GABRB3: variants seen among roughly 807,000 people sequenced by gnomAD.
GABRB3 encodes gamma-aminobutyric acid type A receptor subunit beta3.
In GABRB3, 14 loss-of-function variants were observed where a neutral mutation model predicts 52.1. That is an observed-to-expected ratio of 0.27 (90% confidence interval 0.18 to 0.42). The LOEUF (loss-of-function observed/expected upper bound fraction) is 0.42, where lower values mean the gene tolerates loss of function less well. GABRB3 is among the 10% of genes least tolerant of loss of function. GABRB3 has a pLI of 1.00. For missense variants in GABRB3, 307 were observed against 609.1 expected (o/e 0.50, Z 5.22); for synonymous variants, 260 against 232.3 (o/e 1.12, Z -1.08).
chr15:26,545,194 T>TTGTG lies in GABRB3; in HGVS notation c.*2595_*2598dup, dbSNP rs10569776. 2,042 of 149,834 alleles carry TTGTG rather than the reference T, an allele frequency of 0.014. 37 individuals carry two copies. The highest frequency in any genetic ancestry group is 0.042 in the African/African-American group (1,733 of 40,850). The allele number at this position is 149,834 out of a possible 1,614,324, so 9.3% of individuals were successfully genotyped here. A position where few individuals can be genotyped will look rare whatever the true frequency, so the allele number is the denominator to read the frequency against. On this transcript the variant is annotated 3_prime_UTR_variant, in exon 9 of 9. Transcript: ENST00000311550. Reference sequence around the variant, plus strand: ...GTTTTTACAGAATATATGTATGTATTTGTGTGTGTGTGTGTGTGTGTGTGT... The same window carrying TTGTG: ...GTTTTTACAGAATATATGTATGTATTTGTGTGTGTGTGTGTGTGTGTGTGTGTGT...
Position 26,547,854 on chromosome 15 carries a change from A to T in GABRB3, c.1361T>A (p.Ile454Asn), listed in dbSNP as rs1362237548. The T allele has an allele frequency of 6.2e-7, 1 of 1,614,144 alleles. No individual in the cohort carries two copies. Among genetic ancestry groups the T allele is most frequent in the African/African-American group, 1.3e-5 (1 of 75,034 alleles). ...AAGAGAAAAAGTGAATGGAAACACG[A>T]TCCTGGACCATCTGTCTATGGCATT... ...DVNAIDRWSRIVFPFTFSLFN... is the reference protein window; with the variant it reads ...DVNAIDRWSRNVFPFTFSLFN... The change falls in exon 9 of 9, where the codon ATC becomes AAC. Residue 454 changes from isoleucine to asparagine, a missense_variant. Coordinates refer to ENST00000311550, the MANE Select transcript of GABRB3 (RefSeq NM_000814.6).
intron 3 of GABRB3, among the ~76,000 whole-genome samples, chr15:26,663,227 C>G (rs1347091534): frequency 6.6e-6 from 1 of 152,196 alleles, no homozygotes; most frequent in African/African-American, 2.4e-5. Context: ...TAATCCCAAC[C>G]CTGGCAATGA....
chr15:26,682,726 G>A (rs1005986770), intron 3 of GABRB3, among the ~76,000 whole-genome samples: 2 of 152,176 alleles, frequency 1.3e-5, no homozygotes, highest in South Asian at 2.1e-4. Flanking sequence ...CATGCCTGGA[G>A]GCCCAGTATT....
At chr15:26,601,740 CA>C (rs1372873806) in intron 4 of GABRB3, among the ~76,000 whole-genome samples, 3 of 151,730 alleles carry the variant, frequency 2.0e-5, no homozygotes, top group Non-Finnish European at 2.9e-5. Context: ...ATAGCAACCT[CA>C]AATCAAAAAA....
rs183006637 is a variant in GABRB3 at position 26,756,866 on chromosome 15, G to A, written c.240+15536C>T. On this transcript the variant is annotated intron_variant, in intron 3 of 8. Coordinates refer to ENST00000311550, the MANE Select transcript of GABRB3 (RefSeq NM_000814.6). ...TGTCTAAGCACCCCATAAGTTTGCAGCTCTGAAAACCCCTGGAGATTCTTC... is the reference window on the plus strand; with the variant it reads ...TGTCTAAGCACCCCATAAGTTTGCAACTCTGAAAACCCCTGGAGATTCTTC... Among the ~76,000 whole-genome samples the A allele has an allele frequency of 8.5e-5, 13 of 152,204 alleles. No individual in the cohort carries two copies. The East Asian group carries it at 2.5e-3, about 29-fold the overall frequency.
chr15:26,772,861 G>T, intron 1 of GABRB3, 22 bp downstream of exon 1: 2 of 1,449,730 alleles, frequency 1.4e-6, no homozygotes, highest in Non-Finnish European at 1.8e-6. Context: ...CCCGCCGCCC[G>T]CCGGCCCACC....
intron 4 of GABRB3, among the ~76,000 whole-genome samples, chr15:26,584,487 A>G (rs150833430): frequency 4.7e-4 from 72 of 152,256 alleles, no homozygotes; most frequent in Admixed American, 1.3e-3. Flanking sequence ...AAATTGTTTT[A>G]CTGTGTGATC....
intron 3 of GABRB3, among the ~76,000 whole-genome samples, chr15:26,646,035 A>T (rs866262894): frequency 3.3e-5 from 5 of 152,136 alleles, no homozygotes; most frequent in African/African-American, 1.2e-4. Context: ...AAATAATGGG[A>T]CCTATTTTTT....
At chr15:26,633,156 T>C (rs942839592) in intron 3 of GABRB3, among the ~76,000 whole-genome samples, 26 of 152,226 alleles carry the variant, frequency 1.7e-4, no homozygotes, top group African/African-American at 6.3e-4. Flanking sequence ...GTCTACTCAA[T>C]ATCCAAATGC....
chr15:26,667,725 T>C (rs1887760055), intron 3 of GABRB3, among the ~76,000 whole-genome samples: 1 of 152,190 alleles, frequency 6.6e-6, no homozygotes, highest in Non-Finnish European at 1.5e-5. Flanking sequence ...ACCTGGGCAC[T>C]TGTTAGAAAT....
At chr15:26,671,846 C>T (rs529864545) in intron 3 of GABRB3, among the ~76,000 whole-genome samples, 1 of 152,152 alleles carries the variant, frequency 6.6e-6, no homozygotes, top group Non-Finnish European at 1.5e-5. Flanking sequence ...GCTGAGCAGA[C>T]CACACGCAGG....
chr15:26,611,245 G>A (rs937044289), intron 4 of GABRB3, among the ~76,000 whole-genome samples: 1 of 152,146 alleles, frequency 6.6e-6, no homozygotes, highest in African/African-American at 2.4e-5. Flanking sequence ...CCTTGTAGGT[G>A]AACTTTTTGT....
chr15:26,568,439 C>T (rs1013262279), intron 6 of GABRB3, among the ~76,000 whole-genome samples: 4 of 152,064 alleles, frequency 2.6e-5, no homozygotes, highest in African/African-American at 9.7e-5. Flanking sequence ...AGAAAATATG[C>T]CATTTATCAT....
At chr15:26,733,429 AAT>A (rs1889986244) in intron 3 of GABRB3, among the ~76,000 whole-genome samples, 1 of 152,208 alleles carries the variant, frequency 6.6e-6, no homozygotes, top group South Asian at 2.1e-4. Context: ...AAAAAATAAT[AAT>A]ACTTAGGCAT....
intron 7 of GABRB3, among the ~76,000 whole-genome samples, 186 bp from the exon 8 acceptor site, chr15:26,561,362 A>G (rs1256883494): frequency 1.3e-5 from 2 of 152,248 alleles, no homozygotes; most frequent in Middle Eastern, 3.2e-3. Flanking sequence ...CACTCAGAAC[A>G]GCAAGCTGAC....
At chr15:26,559,786 A>G (rs1161149719) in intron 8 of GABRB3, among the ~76,000 whole-genome samples, 1 of 152,198 alleles carries the variant, frequency 6.6e-6, no homozygotes, top group East Asian at 1.9e-4. Flanking sequence ...TAGAAAGTTC[A>G]TGGACTTCAT....
At chr15:26,686,215 G>T (rs1343191075) in intron 3 of GABRB3, among the ~76,000 whole-genome samples, 1 of 152,142 alleles carries the variant, frequency 6.6e-6, no homozygotes, top group East Asian at 1.9e-4. Context: ...AAGTTGCTGG[G>T]ATTACAGGCG....
At chr15:26,551,390 A>G (rs943568369) in intron 8 of GABRB3, among the ~76,000 whole-genome samples, 2 of 152,200 alleles carry the variant, frequency 1.3e-5, no homozygotes, top group Admixed American at 1.3e-4. Flanking sequence ...GAAATGCCTG[A>G]AGCCCGTGAA....
chr15:26,552,854 T>C (rs1179651497), intron 8 of GABRB3, among the ~76,000 whole-genome samples: 1 of 152,160 alleles, frequency 6.6e-6, no homozygotes, highest in Non-Finnish European at 1.5e-5. Context: ...GGAGGGGGGT[T>C]CAACCAATGT....
Sources: allele counts gnomAD v4.1 joint callset (sites outside exome capture counted in the v4.1 genomes callset), GRCh38; gene constraint gnomAD v4.1.1; transcripts MANE v1.5; gene names NCBI Gene and HGNC (gene_info 2026-07-23, HGNC 2026-07-21).